The following AFG1L variants were observed in gnomAD, a reference collection of about 807,000 sequenced individuals.
AFG1L encodes AFG1 like ATPase, also known as AFG1-like ATPase.
AFG1L carries 53 observed loss-of-function variants against 62.2 expected under a neutral mutation model. That is an observed-to-expected ratio of 0.85 (90% confidence interval 0.68 to 1.07). The LOEUF (loss-of-function observed/expected upper bound fraction) is 1.07, where lower values mean the gene tolerates loss of function less well. Among genes scored for constraint, AFG1L ranks in the 50% least tolerant of loss-of-function variants. The probability of loss-of-function intolerance (pLI) is 0.00; values close to 1 mark genes in which losing one functional copy is unlikely to be tolerated. For missense variants in AFG1L, 555 were observed against 590.5 expected (o/e 0.94, Z 0.62); for synonymous variants, 228 against 210.3 (o/e 1.08, Z -0.73).
intron 6 of AFG1L, among the ~76,000 whole-genome samples, chr6:108,395,749 A>G (rs989897210): frequency 1.4e-5 from 2 of 143,540 alleles, no homozygotes; most frequent in Admixed American, 6.9e-5. Context: ...TCATAACTTT[A>G]TAGAATGACC....
At chr6:108,439,035 A>G (rs1256919537) in intron 7 of AFG1L, among the ~76,000 whole-genome samples, 2 of 152,178 alleles carry the variant, frequency 1.3e-5, no homozygotes, top group African/African-American at 2.4e-5. Flanking sequence ...GAACTTCACG[A>G]TAATGTTAAA....
intron 6 of AFG1L, among the ~76,000 whole-genome samples, chr6:108,366,620 G>A (rs10457177): frequency 0.26 from 38,838 of 149,018 alleles, 5,442 homozygotes; most frequent in Non-Finnish European, 0.32. Flanking sequence ...AGCAAAAAAT[G>A]CAGGCCTTTT....
chr6:108,457,752 C>T (rs888675506), intron 8 of AFG1L, among the ~76,000 whole-genome samples: 3 of 151,992 alleles, frequency 2.0e-5, no homozygotes, highest in Non-Finnish European at 4.4e-5. Flanking sequence ...CTAAAGGACA[C>T]GGTTTAACAT....
At chr6:108,492,520 A>C (rs2114854737) in intron 10 of AFG1L, among the ~76,000 whole-genome samples, 1 of 152,326 alleles carries the variant, frequency 6.6e-6, no homozygotes, top group Middle Eastern at 3.4e-3. Context: ...GGCCACATTC[A>C]CTTATTATGT....
intron 3 of AFG1L, among the ~76,000 whole-genome samples, chr6:108,351,736 C>T (rs1044961058): frequency 5.9e-5 from 9 of 151,944 alleles, no homozygotes; most frequent in Non-Finnish European, 1.2e-4. Context: ...TGGTAAAACA[C>T]GTAACATAAA....
At chr6:108,366,148 C>T in intron 5 of AFG1L, 85 bp from the exon 6 acceptor site, 6 of 714,286 alleles carry the variant, frequency 8.4e-6, no homozygotes, top group East Asian at 2.6e-5. Context: ...AATTTACTTC[C>T]ATCTTAAAAA....
chr6:108,417,266 GCACACA>G (rs149498434), intron 7 of AFG1L, among the ~76,000 whole-genome samples: 4 of 136,338 alleles, frequency 2.9e-5, no homozygotes, highest in Admixed American at 7.7e-5. Context: ...ACACAGACAC[GCACACA>G]CACACACACA....
chr6:108,521,662 C>A (rs1775129693), intron 12 of AFG1L: 1 of 152,246 alleles, frequency 6.6e-6, no homozygotes, highest in African/African-American at 2.4e-5. Context: ...TACTAGCAAA[C>A]CCCTAAGGAA....
chr6:108,454,057 C>T (rs903764287), intron 8 of AFG1L, among the ~76,000 whole-genome samples: 1 of 152,164 alleles, frequency 6.6e-6, no homozygotes, highest in Non-Finnish European at 1.5e-5. Flanking sequence ...ATGCACACCC[C>T]ATTGAAATAT....
intron 1 of AFG1L, chr6:108,318,402 T>A: frequency 3.7e-6 from 1 of 270,946 alleles, no homozygotes. Flanking sequence ...GTTGATCTAG[T>A]TTCTAAGTAT....
At chr6:108,369,859 C>G (rs1163219013) in intron 6 of AFG1L, among the ~76,000 whole-genome samples, 3 of 152,122 alleles carry the variant, frequency 2.0e-5, no homozygotes, top group African/African-American at 7.2e-5. Context: ...ATACACCTGC[C>G]TCGGCCTCCC....
intron 5 of AFG1L, among the ~76,000 whole-genome samples, chr6:108,365,641 A>T (rs1251032771): frequency 6.6e-6 from 1 of 151,976 alleles, no homozygotes; most frequent in Non-Finnish European, 1.5e-5. Context: ...TATTTTTGTG[A>T]TGGGCCATCT....
At chr6:108,389,474 G>T (rs574488182) in intron 6 of AFG1L, among the ~76,000 whole-genome samples, 2 of 152,250 alleles carry the variant, frequency 1.3e-5, no homozygotes, top group East Asian at 3.9e-4. Context: ...TCCTAGCCTC[G>T]ATGGTCTTTA....
chr6:108,416,583 A>G (rs1770292921), intron 7 of AFG1L, among the ~76,000 whole-genome samples: 1 of 152,222 alleles, frequency 6.6e-6, no homozygotes. Context: ...ACCATGGAAT[A>G]CTATGCAGCC....
At chr6:108,450,592 G>T (rs536928840) in intron 8 of AFG1L, among the ~76,000 whole-genome samples, 237 of 152,188 alleles carry the variant, frequency 1.6e-3, no homozygotes, top group Middle Eastern at 3.4e-3. Flanking sequence ...GTGCAGAAGC[G>T]CTTTAGTTTA....
At chr6:108,335,471 G>A (rs530682162) in intron 2 of AFG1L, among the ~76,000 whole-genome samples, 1 of 152,292 alleles carries the variant, frequency 6.6e-6, no homozygotes, top group East Asian at 1.9e-4. Context: ...ATCCACGTAT[G>A]TCTCTGTGAA....
chr6:108,393,589 A>G (rs770433146), intron 6 of AFG1L, among the ~76,000 whole-genome samples: 6 of 152,166 alleles, frequency 3.9e-5, no homozygotes, highest in Non-Finnish European at 8.8e-5. Context: ...TTTAATCAAG[A>G]ATATTACAAG....
intron 7 of AFG1L, among the ~76,000 whole-genome samples, chr6:108,404,032 AT>A (rs1781746904): frequency 6.6e-6 from 1 of 152,188 alleles, no homozygotes; most frequent in Non-Finnish European, 1.5e-5. Context: ...CTTTTCGTAT[AT>A]GACAAAACAT....
chr6:108,470,295 A>G (rs960788469), intron 8 of AFG1L, among the ~76,000 whole-genome samples: 6 of 152,142 alleles, frequency 3.9e-5, no homozygotes, highest in Admixed American at 3.3e-4. Context: ...GGCTCTTATC[A>G]CACATACTAT....
Sources: gnomAD v4.1 joint callset for allele counts (sites outside exome capture counted in the v4.1 genomes callset) on GRCh38, gnomAD v4.1.1 for gene constraint, MANE v1.5 for transcripts, NCBI Gene and HGNC (gene_info 2026-07-23, HGNC 2026-07-21) for gene names.